SPAG16: variants seen among roughly 807,000 people sequenced by gnomAD.
The protein encoded by SPAG16 is sperm associated antigen 16.
A neutral mutation model predicts 80.4 loss-of-function variants in SPAG16; 86 were observed. The observed-to-expected ratio is 1.07, with a 90% CI of 0.90 to 1.28. SPAG16 has a LOEUF of 1.28. Among genes scored for constraint, SPAG16 ranks in the 50% most tolerant of loss-of-function variants. The pLI, the probability that SPAG16 is intolerant of heterozygous loss-of-function variation, is 0.00. For synonymous variants in SPAG16, 294 were observed against 265.9 expected, an observed-to-expected ratio of 1.11 and a Z score of -1.03; for missense variants, 870 against 765.3, an observed-to-expected ratio of 1.14 and a Z score of -1.61.
At chr2:213,935,673 G>A (rs1195995007) in intron 12 of SPAG16, among the ~76,000 whole-genome samples, 3 of 152,156 alleles carry the variant, frequency 2.0e-5, no homozygotes, top group Non-Finnish European at 2.9e-5. Flanking sequence ...AATGAAAAAC[G>A]CCAAGGATTT....
intron 12 of SPAG16, among the ~76,000 whole-genome samples, chr2:213,956,478 C>G (rs922162293): frequency 2.9e-5 from 4 of 139,024 alleles, no homozygotes; most frequent in African/African-American, 1.1e-4. Flanking sequence ...GGCAGGGTCT[C>G]ACTCTGTCAC....
intron 10 of SPAG16, among the ~76,000 whole-genome samples, chr2:213,785,742 C>A (rs1335411139): frequency 6.6e-6 from 1 of 152,044 alleles, no homozygotes; most frequent in African/African-American, 2.4e-5. Flanking sequence ...TTTAGCCAGG[C>A]GCAGTGGCTC....
chr2:213,639,464 T>C (rs762033906), intron 10 of SPAG16, among the ~76,000 whole-genome samples: 3 of 152,190 alleles, frequency 2.0e-5, no homozygotes, highest in Non-Finnish European at 4.4e-5. Flanking sequence ...TCAGCATTTG[T>C]TTGTGTGAAA....
intron 10 of SPAG16, among the ~76,000 whole-genome samples, chr2:213,706,822 C>G (rs1013699898): frequency 6.6e-6 from 1 of 152,164 alleles, no homozygotes; most frequent in African/African-American, 2.4e-5. Context: ...ATTATACTCA[C>G]TGTCTGTAGC....
chr2:214,071,432 G>A (rs1356816748), intron 13 of SPAG16, among the ~76,000 whole-genome samples: 1 of 152,104 alleles, frequency 6.6e-6, no homozygotes, highest in Non-Finnish European at 1.5e-5. Context: ...TCAGTAAACA[G>A]TATAAGGCAT....
rs537354831 is a variant in SPAG16, at chr2:213,391,224, C to T, written c.942+16105C>T. On this transcript the variant is annotated intron_variant, in intron 9 of 15. Transcript: ENST00000331683. ...TGGAGGTTGCAGTGAGCTGAGATGG[C>T]GCCACTGCACTCCAACCTGGGCGAT... 6.0e-4 allele frequency among the ~76,000 whole-genome samples: 92 copies of T among 152,084 alleles called. 1 individual carries two copies. Among genetic ancestry groups the T allele is most frequent in the African/African-American group, 2.1e-3 (86 of 41,492 alleles).
At chr2:213,773,477 G>A (rs2069379135) in intron 10 of SPAG16, among the ~76,000 whole-genome samples, 3 of 152,130 alleles carry the variant, frequency 2.0e-5, no homozygotes, top group Non-Finnish European at 2.9e-5. Context: ...ATCAGATGAC[G>A]TTTGCTCATG....
At chr2:213,523,933 A>AT (rs1415226418) in intron 10 of SPAG16, among the ~76,000 whole-genome samples, 2 of 152,170 alleles carry the variant, frequency 1.3e-5, no homozygotes, top group African/African-American at 4.8e-5. Context: ...AGAAAACCCC[A>AT]TTTTCTGGGG....
At chr2:214,352,297 TATC>T (rs1698465920) in intron 15 of SPAG16, among the ~76,000 whole-genome samples, 2 of 152,350 alleles carry the variant, frequency 1.3e-5, no homozygotes, top group African/African-American at 4.8e-5. Flanking sequence ...TCCTCACAGT[TATC>T]ATCATTTTCA....
chr2:213,796,013 A>G (rs2071005211), intron 10 of SPAG16, among the ~76,000 whole-genome samples: 1 of 152,150 alleles, frequency 6.6e-6, no homozygotes, highest in Admixed American at 6.6e-5. Context: ...TTGTGTTTTG[A>G]AGGAAAAAAG....
At chr2:213,411,323 A>T (rs2068954053) in intron 9 of SPAG16, among the ~76,000 whole-genome samples, 1 of 152,208 alleles carries the variant, frequency 6.6e-6, no homozygotes, top group East Asian at 1.9e-4. Context: ...TAGCTGCAGA[A>T]TTTGAGTCAA....
At chr2:213,927,213 G>A (rs1171325816) in intron 11 of SPAG16, among the ~76,000 whole-genome samples, 1 of 152,160 alleles carries the variant, frequency 6.6e-6, no homozygotes. Flanking sequence ...TTTCTCAGAG[G>A]CCCTACCTCC....
intron 1 of SPAG16, among the ~76,000 whole-genome samples, chr2:213,292,667 AAAAAAAAAC>A (rs1321296506): frequency 7.4e-6 from 1 of 135,790 alleles, no homozygotes; most frequent in East Asian, 1.9e-4. Context: ...CCGTCTCAAA[AAAAAAAAAC>A]AAAAAAAACA....
chr2:213,817,838 G>C (rs1204490691), intron 10 of SPAG16, among the ~76,000 whole-genome samples: 6 of 152,204 alleles, frequency 3.9e-5, no homozygotes, highest in Admixed American at 2.6e-4. Context: ...AGGGAGGTGG[G>C]TAAGTGTTGA....
At chr2:214,027,238 T>C (rs1369922818) in intron 13 of SPAG16, among the ~76,000 whole-genome samples, 1 of 151,606 alleles carries the variant, frequency 6.6e-6, no homozygotes, top group Non-Finnish European at 1.5e-5. Flanking sequence ...AATAGCATAC[T>C]ATAAATATTA....
intron 15 of SPAG16, among the ~76,000 whole-genome samples, chr2:214,388,424 G>A (rs1700881230): frequency 6.6e-6 from 1 of 152,080 alleles, no homozygotes; most frequent in African/African-American, 2.4e-5. Flanking sequence ...AAGGGAAGAG[G>A]AAAAGTTAAA....
intron 12 of SPAG16, among the ~76,000 whole-genome samples, chr2:213,997,242 AAAG>A (rs1289984138): frequency 6.6e-6 from 1 of 152,196 alleles, no homozygotes; most frequent in African/African-American, 2.4e-5. Context: ...AGTAAGAAGA[AAAG>A]AAAATAATAG....
intron 7 of SPAG16, among the ~76,000 whole-genome samples, chr2:213,359,058 C>G (rs983018652): frequency 1.3e-5 from 2 of 152,136 alleles, no homozygotes; most frequent in Non-Finnish European, 2.9e-5. Context: ...CACTCCAGAC[C>G]CTGTTTGCCT....
At chr2:213,485,232 G>A (rs375707745) in intron 9 of SPAG16, among the ~76,000 whole-genome samples, 3 of 152,004 alleles carry the variant, frequency 2.0e-5, no homozygotes, top group East Asian at 3.9e-4. Flanking sequence ...GAGCTCAAGC[G>A]ATCCACCTGC....
Sources: gnomAD v4.1 joint callset for allele counts (sites outside exome capture counted in the v4.1 genomes callset) on GRCh38, gnomAD v4.1.1 for gene constraint, MANE v1.5 for transcripts, NCBI Gene and HGNC (gene_info 2026-07-23, HGNC 2026-07-21) for gene names.